The following CEP72 variants were observed in gnomAD, a reference collection of about 807,000 sequenced individuals.
CEP72 encodes the protein centrosomal protein of 72 kDa.
In CEP72, 78 loss-of-function variants were observed where a neutral mutation model predicts 65.7. The ratio of observed to expected loss-of-function variants is 1.19; its 90% CI spans 0.99 to 1.43. CEP72 has a LOEUF of 1.43. Among genes scored for constraint, CEP72 ranks in the 40% most tolerant of loss-of-function variants. CEP72 has a pLI of 0.00. For synonymous variants in CEP72, 358 were observed against 351.7 expected (o/e 1.02, Z -0.20); for missense variants, 914 against 832.9 (o/e 1.10, Z -1.20).
chr5:666,976 C>A (rs1739942086), exon 5 of CEP72: 1 of 152,248 alleles, frequency 6.6e-6, no homozygotes, highest in Non-Finnish European at 1.5e-5. Flanking sequence ...AGCCTCTGGA[C>A]AGCGCGAGAA....
chr5:648,535 T>C (rs1284188882), intron 11 of CEP72, among the ~76,000 whole-genome samples: 5 of 123,828 alleles, frequency 4.0e-5, no homozygotes, highest in South Asian at 2.6e-4. Flanking sequence ...GACTGTGAGG[T>C]GTGACTGTGA....
At chr5:649,792 G>C (rs1738822816) in intron 11 of CEP72, among the ~76,000 whole-genome samples, 1 of 85,596 alleles carries the variant, frequency 1.2e-5, no homozygotes, top group South Asian at 4.1e-4. Flanking sequence ...GTGTGACTGA[G>C]GTGTGACTGT....
At chr5:671,286 G>GA (rs1561084445), downstream of CEP72, among the ~76,000 whole-genome samples, 1 of 152,174 alleles carries the variant, frequency 6.6e-6, no homozygotes, top group East Asian at 1.9e-4. Context: ...CCGCCCTGTG[G>GA]ACATCACTAG....
intron 10 of CEP72, among the ~76,000 whole-genome samples, chr5:646,123 T>C (rs1016979202): frequency 1.3e-4 from 20 of 152,234 alleles, no homozygotes; most frequent in African/African-American, 4.8e-4. Flanking sequence ...TCGGCTTCTT[T>C]CCACGGCGGT....
intron 8 of CEP72, 58 bp downstream of exon 8, chr5:639,282 G>A: frequency 6.6e-7 from 1 of 1,509,464 alleles, no homozygotes; most frequent in South Asian, 1.3e-5. Flanking sequence ...GGGTTCCGGG[G>A]TCCTCTGCGT....
At chr5:613,377 GTT>G (rs1193041181) in intron 1 of CEP72, among the ~76,000 whole-genome samples, 1 of 145,942 alleles carries the variant, frequency 6.9e-6, no homozygotes. Context: ...GATCTGAGCG[GTT>G]TTTTTTTTTT....
chr5:665,382 T>C (rs1739853910), intron 3 of CEP72: 2 of 1,322,536 alleles, frequency 1.5e-6, no homozygotes, highest in South Asian at 1.4e-5. Flanking sequence ...TGGGCAGGTC[T>C]CCCAGCGGTG....
chr5:638,699 C>A (rs943434734), intron 7 of CEP72, among the ~76,000 whole-genome samples: 1 of 152,244 alleles, frequency 6.6e-6, no homozygotes, highest in East Asian at 1.9e-4. Context: ...CTGGGGACAG[C>A]GCCTGGCACC....
chr5:649,584 T>TG (rs1249197964), intron 11 of CEP72, among the ~76,000 whole-genome samples: 4 of 109,190 alleles, frequency 3.7e-5, no homozygotes, highest in African/African-American at 7.1e-5. Context: ...CTGTGAGGCG[T>TG]GACTGAGGCG....
intron 11 of CEP72, among the ~76,000 whole-genome samples, chr5:651,475 G>A (rs1274090465): frequency 6.6e-6 from 1 of 151,946 alleles, no homozygotes; most frequent in African/African-American, 2.4e-5. Flanking sequence ...CGGGCACGGC[G>A]GGGCAACCTG....
intron 7 of CEP72, among the ~76,000 whole-genome samples, chr5:638,570 G>C (rs995854038): frequency 6.6e-6 from 1 of 151,852 alleles, no homozygotes; most frequent in Non-Finnish European, 1.5e-5. Flanking sequence ...GGGTGGGGGG[G>C]GGTCCCAGAG....
At chr5:669,851 G>A (rs573715713), downstream of CEP72, among the ~76,000 whole-genome samples, 1 of 152,114 alleles carries the variant, frequency 6.6e-6, no homozygotes, top group Non-Finnish European at 1.5e-5. Flanking sequence ...AGCGGTGCCT[G>A]CCTCTTCCCC....
At chr5:670,427 A>G (rs1740177845), downstream of CEP72, among the ~76,000 whole-genome samples, 1 of 152,108 alleles carries the variant, frequency 6.6e-6, no homozygotes, top group African/African-American at 2.4e-5. Context: ...CTGGGGAAAC[A>G]GCCTCTCCCT....
At chr5:651,760 G>C (rs1333805204) in intron 11 of CEP72, among the ~76,000 whole-genome samples, 1 of 152,010 alleles carries the variant, frequency 6.6e-6, no homozygotes. Flanking sequence ...GCTGCTGTGT[G>C]AACCCCTGTT....
intron 11 of CEP72, among the ~76,000 whole-genome samples, chr5:651,270 G>A (rs183856700): frequency 4.4e-5 from 5 of 112,572 alleles, no homozygotes; most frequent in Admixed American, 9.1e-5. Flanking sequence ...ACTGTGAGGC[G>A]TGGACTGTGA....
Position 616,831 on chromosome 5 carries a change from T to TGTGTGC in CEP72, c.83-2158_83-2157insTGTGCG, listed in dbSNP as rs1554010789. On this transcript the variant is annotated intron_variant, in intron 1 of 11. Transcript: ENST00000264935. ...GTGTGTGTGTATGTGTGTGTGTGTGTGCGCGCGAGTGGGGGTTTGCTTGCA... is the reference window on the plus strand; with the variant it reads ...GTGTGTGTGTATGTGTGTGTGTGTGTGTGTGCGCGCGCGAGTGGGGGTTTGCTTGCA... 2.8e-3 allele frequency among the ~76,000 whole-genome samples: 421 copies of TGTGTGC among 147,860 alleles called. 3 individuals are homozygous for TGTGTGC. The highest frequency in any genetic ancestry group is 3.5e-3 in the Middle Eastern group (1 of 286).
At chr5:669,723 G>A (rs1016167916), downstream of CEP72, among the ~76,000 whole-genome samples, 12 of 152,138 alleles carry the variant, frequency 7.9e-5, no homozygotes, top group Middle Eastern at 3.4e-3. Flanking sequence ...CCTGCTCTGC[G>A]CGCTCCCCGA....
intron 1 of CEP72, among the ~76,000 whole-genome samples, chr5:614,694 C>T (rs1430307716): frequency 6.6e-6 from 1 of 152,080 alleles, no homozygotes. Context: ...ATGTTTTTAA[C>T]GTTCCATGTG....
chr5:644,532 G>GCTGCTCCCCA (rs1430890822), intron 10 of CEP72, 107 bp downstream of exon 10: 1 of 1,339,794 alleles, frequency 7.5e-7, no homozygotes, highest in Non-Finnish European at 1.0e-6. Flanking sequence ...AGCAGCAGAC[G>GCTGCTCCCCA]CAGTTGGTAA....
Sources: gnomAD v4.1 joint callset for allele counts (sites outside exome capture counted in the v4.1 genomes callset) on GRCh38, gnomAD v4.1.1 for gene constraint, MANE v1.5 for transcripts, NCBI Gene and HGNC (gene_info 2026-07-23, HGNC 2026-07-21) for gene names.